CFAP54: variants seen among roughly 807,000 people sequenced by gnomAD.
The protein encoded by CFAP54 is cilia- and flagella-associated protein 54.
In CFAP54, 290 loss-of-function variants were observed where a neutral mutation model predicts 370.4. The ratio of observed to expected loss-of-function variants is 0.78; its 90% CI spans 0.71 to 0.86. The LOEUF (loss-of-function observed/expected upper bound fraction) is 0.86. Ranked by LOEUF, CFAP54 falls within the 40% of genes least tolerant of loss-of-function variation. The probability of loss-of-function intolerance (pLI) is 0.00; values close to 1 mark genes in which losing one functional copy is unlikely to be tolerated. For missense variants in CFAP54, 3,399 were observed against 3,528.7 expected, an observed-to-expected ratio of 0.96 and a Z score of 0.93; for synonymous variants, 1,206 against 1,236.5, an observed-to-expected ratio of 0.98 and a Z score of 0.52.
At chr12:96,772,630 T>TTGCCCAGGCTGGAGTGCAATGGCATAC (rs370014815) in intron 60 of CFAP54, among the ~76,000 whole-genome samples, 2 of 150,422 alleles carry the variant, frequency 1.3e-5, no homozygotes, top group Non-Finnish European at 2.9e-5. Flanking sequence ...TTTGCTCTTG[T>TTGCCCAGGCTGGAGTGCAATGGCATAC]TGCCCAGGCT....
At chr12:96,647,812 TTTGACAGATTTAA>T in intron 33 of CFAP54, 50 bp from the exon 34 acceptor site, 1 of 1,354,294 alleles carries the variant, frequency 7.4e-7, no homozygotes, top group Non-Finnish European at 9.8e-7. Flanking sequence ...ATAGATTGCA[TTTGACAGATTTAA>T]TTCAATTTTG....
chr12:96,572,675 A>G (rs534910632), intron 19 of CFAP54, among the ~76,000 whole-genome samples: 1 of 152,188 alleles, frequency 6.6e-6, no homozygotes, highest in East Asian at 1.9e-4. Context: ...AAGGAGATTT[A>G]CTCACCTGAA....
chr12:96,598,600 A>C (rs1479652939), intron 25 of CFAP54, 45 bp from the exon 26 acceptor site: 1 of 565,824 alleles, frequency 1.8e-6, no homozygotes, highest in Admixed American at 2.7e-5. Context: ...GAAATGAGTA[A>C]GGATGACATT....
chr12:96,624,398 G>C (rs146239772), intron 28 of CFAP54, among the ~76,000 whole-genome samples: 96 of 152,318 alleles, frequency 6.3e-4, no homozygotes, highest in Non-Finnish European at 7.2e-4. Flanking sequence ...TAGTGTGAGT[G>C]TTGTTAATGT....
chr12:96,690,641 T>A (rs75630146), intron 43 of CFAP54, among the ~76,000 whole-genome samples: 2 of 152,142 alleles, frequency 1.3e-5, no homozygotes, highest in African/African-American at 2.4e-5. Flanking sequence ...CATAGTTTTT[T>A]TTTATTTGTT....
At chr12:96,634,506 C>T (rs1433527506) in intron 32 of CFAP54, among the ~76,000 whole-genome samples, 1 of 151,954 alleles carries the variant, frequency 6.6e-6, no homozygotes, top group Non-Finnish European at 1.5e-5. Flanking sequence ...GCCTTTGTTG[C>T]ATATGTTATT....
At chr12:96,795,123 C>T (rs1325219329) in intron 63 of CFAP54, among the ~76,000 whole-genome samples, 1 of 152,202 alleles carries the variant, frequency 6.6e-6, no homozygotes, top group African/African-American at 2.4e-5. Flanking sequence ...TGGATACCAG[C>T]ACCTGCTCTG....
chr12:96,828,561 G>A (rs992177162), intron 65 of CFAP54, among the ~76,000 whole-genome samples: 1 of 152,088 alleles, frequency 6.6e-6, no homozygotes, highest in African/African-American at 2.4e-5. Flanking sequence ...ACCTGTCTGT[G>A]GGTAGGTCCC....
In CFAP54 at chr12:96,658,063, A is replaced by C. The variant is rs748749236; in HGVS notation, c.5282A>C (p.Glu1761Ala). ...GTTTTATATCAAGTGGAAAAATGGG[A>C]AACACTAGTATCTCTTGCCATTCAG... Reference protein sequence around the residue: ...LEVLYQVEKWETLVSLAIQFN... With the variant: ...LEVLYQVEKWATLVSLAIQFN... Residue 1761 changes from glutamate to alanine, a missense_variant, in exon 37 of 68, where the codon GAA (glutamate) becomes GCA (alanine). This residue lies in a region of CFAP54 where 2,796 missense variants were observed against 2,869.7 expected (regional missense o/e 0.97). Coordinates refer to ENST00000524981, the MANE Select transcript of CFAP54 (RefSeq NM_001306084.2). 19 of 1,614,034 alleles carry C rather than the reference A, an allele frequency of 1.2e-5. No homozygotes were observed. Among genetic ancestry groups the C allele is most frequent in the Non-Finnish European group, 1.6e-5 (19 of 1,179,934 alleles).
At chr12:96,738,424 T>C (rs1958005972) in intron 50 of CFAP54, among the ~76,000 whole-genome samples, 1 of 152,092 alleles carries the variant, frequency 6.6e-6, no homozygotes, top group Admixed American at 6.5e-5. Flanking sequence ...GAGGTGTCGA[T>C]GGGGCCACAC....
intron 60 of CFAP54, among the ~76,000 whole-genome samples, chr12:96,770,441 G>A (rs1958449840): frequency 6.6e-6 from 1 of 152,180 alleles, no homozygotes; most frequent in Non-Finnish European, 1.5e-5. Flanking sequence ...AGGAGACCCT[G>A]TTTATTTAGA....
chr12:96,687,146 T>C (rs1410135996), intron 42 of CFAP54, among the ~76,000 whole-genome samples: 8 of 152,166 alleles, frequency 5.3e-5, no homozygotes, highest in Non-Finnish European at 8.8e-5. Flanking sequence ...TTTTCTTCCA[T>C]CTTCACATCT....
At chr12:96,567,004 A>T (rs1955870537) in intron 19 of CFAP54, among the ~76,000 whole-genome samples, 1 of 152,232 alleles carries the variant, frequency 6.6e-6, no homozygotes, top group Non-Finnish European at 1.5e-5. Context: ...GGGAAAATTA[A>T]CAGGGGAGTA....
In CFAP54 at chr12:96,598,698, G is replaced by A. The variant is rs373771834; in HGVS notation, c.3570G>A (p.Ser1190=). Residue 1190 remains serine (S), a synonymous_variant, in exon 26 of 68, where the codon TCG becomes TCA. Transcript: ENST00000524981. ...VLQGLPSIVC[S]KKHTASFESI... ...AAGGACTACCAAGTATTGTCTGCTC[G>A]AAGAAACATACTGCGAGCTTTGAAA... The A allele has an allele frequency of 5.1e-5, 35 of 680,470 alleles. 1 individual carries two copies. Among genetic ancestry groups the A allele is most frequent in the African/African-American group, 4.2e-4 (24 of 56,672 alleles). 42.2% of individuals were successfully genotyped at this position (680,470 alleles called of 1,614,324 possible).
chr12:96,590,499 C>G (rs1314046154), intron 23 of CFAP54, among the ~76,000 whole-genome samples: 1 of 152,156 alleles, frequency 6.6e-6, no homozygotes, highest in Non-Finnish European at 1.5e-5. Flanking sequence ...CCCTTCATTC[C>G]TCAATCAAAA....
chr12:96,837,036 G>A (rs1959188294), intron 66 of CFAP54, among the ~76,000 whole-genome samples: 1 of 152,054 alleles, frequency 6.6e-6, no homozygotes, highest in Non-Finnish European at 1.5e-5. Flanking sequence ...TGCCCAGGCT[G>A]GTCTCCCACT....
At chr12:96,542,514 T>G (rs1467652139) in intron 14 of CFAP54, among the ~76,000 whole-genome samples, 1 of 152,104 alleles carries the variant, frequency 6.6e-6, no homozygotes, top group Non-Finnish European at 1.5e-5. Context: ...AGAGAAAAAA[T>G]AAATCACCAT....
intron 26 of CFAP54, among the ~76,000 whole-genome samples, chr12:96,601,459 G>A (rs1347702921): frequency 6.6e-6 from 1 of 152,192 alleles, no homozygotes; most frequent in East Asian, 1.9e-4. Context: ...TCAGCATGAT[G>A]CTGACCTCAC....
intron 28 of CFAP54, 42 bp from the exon 29 acceptor site, chr12:96,625,676 T>A: frequency 7.6e-7 from 1 of 1,322,592 alleles, no homozygotes; most frequent in Non-Finnish European, 1.0e-6. Flanking sequence ...GTATTTTGCG[T>A]TACTAAACAG....
Sources: allele counts gnomAD v4.1 joint callset (sites outside exome capture counted in the v4.1 genomes callset), GRCh38; gene constraint gnomAD v4.1.1; regional missense constraint gnomAD v4.1.1; transcripts MANE v1.5; gene names NCBI Gene and HGNC (gene_info 2026-07-23, HGNC 2026-07-21).